ECHDC1: variants seen among roughly 807,000 people sequenced by gnomAD.
ECHDC1 encodes ethylmalonyl-CoA decarboxylase 1.
A neutral mutation model predicts 29.7 loss-of-function variants in ECHDC1; 29 were observed. The observed-to-expected ratio is 0.98, with a 90% CI of 0.73 to 1.33. The LOEUF is 1.33. Ranked by LOEUF, ECHDC1 falls within the 40% of genes most tolerant of loss-of-function variation. The pLI is 0.00. For missense variants in ECHDC1, 328 were observed against 350.0 expected, an observed-to-expected ratio of 0.94 and a Z score of 0.50; for synonymous variants, 126 against 123.1, an observed-to-expected ratio of 1.02 and a Z score of -0.15.
intron 1 of ECHDC1, among the ~76,000 whole-genome samples, chr6:127,333,912 G>T (rs1784196185): frequency 6.6e-6 from 1 of 151,846 alleles, no homozygotes; most frequent in Admixed American, 6.6e-5. Context: ...GTTTCATTTT[G>T]TGTTTCTATA....
intron 2 of ECHDC1, 43 bp downstream of exon 2, chr6:127,330,766 T>C (rs368045759): frequency 6.5e-7 from 1 of 1,542,570 alleles, no homozygotes; most frequent in Non-Finnish European, 8.9e-7. Flanking sequence ...GATAACAGTT[T>C]AGATTTAGTG....
chr6:127,308,242 T>C (rs975388944), intron 5 of ECHDC1, among the ~76,000 whole-genome samples: 5 of 151,922 alleles, frequency 3.3e-5, no homozygotes, highest in African/African-American at 1.2e-4. Context: ...GGTGCAAAAA[T>C]CATCAACAAA....
At chr6:127,319,576 A>G (rs2114636797) in intron 3 of ECHDC1, among the ~76,000 whole-genome samples, 1 of 152,294 alleles carries the variant, frequency 6.6e-6, no homozygotes, top group African/African-American at 2.4e-5. Flanking sequence ...TAAGCCCACA[A>G]TGGTTAAATG....
chr6:127,340,945 C>T (rs1255184402), intron 1 of ECHDC1, among the ~76,000 whole-genome samples: 1 of 152,188 alleles, frequency 6.6e-6, no homozygotes, highest in Non-Finnish European at 1.5e-5. Context: ...CCAACATCAA[C>T]ACTACAGCAA....
intron 1 of ECHDC1, among the ~76,000 whole-genome samples, chr6:127,337,370 C>G (rs1784520063): frequency 6.6e-6 from 1 of 152,202 alleles, no homozygotes. Flanking sequence ...CACAAAAAAA[C>G]TTGGTCTCCA....
Position 127,288,958 on chromosome 6 carries a change from A to G in ECHDC1, c.*911T>C, listed in dbSNP as rs1298105462. ...TTTTGACCTCTTGTGATGAGTCAGA[A>G]CTAGAACTTAATTCTTTGACTTTCA... On this transcript the variant is annotated 3_prime_UTR_variant, in exon 6 of 6. Transcript: ENST00000454859. 1 of 152,100 alleles carries G rather than the reference A, an allele frequency of 6.6e-6. No homozygotes were observed. The highest frequency in any genetic ancestry group is 6.6e-5 in the Admixed American group (1 of 15,258). The allele number at this position is 152,100 out of a possible 1,614,324, so 9.4% of individuals were successfully genotyped here.
intron 5 of ECHDC1, chr6:127,313,654 G>A: frequency 2.2e-6 from 1 of 449,796 alleles, no homozygotes; most frequent in Non-Finnish European, 4.5e-6. Context: ...TCTTAGCTAG[G>A]GTCAAGTGTA....
At chr6:127,330,785 T>C (rs1783851999) in intron 2 of ECHDC1, 24 bp downstream of exon 2, 1 of 1,588,776 alleles carries the variant, frequency 6.3e-7, no homozygotes, top group Admixed American at 1.7e-5. Context: ...TGTCATTCTT[T>C]AGGAATAAAA....
intron 3 of ECHDC1, among the ~76,000 whole-genome samples, chr6:127,320,131 C>A (rs944996522): frequency 2.0e-5 from 3 of 152,166 alleles, no homozygotes; most frequent in African/African-American, 7.2e-5. Flanking sequence ...GATTCTCCTG[C>A]CTCAGCCTTC....
intron 2 of ECHDC1, among the ~76,000 whole-genome samples, chr6:127,329,569 TGTG>T (rs1783724436): frequency 6.6e-6 from 1 of 152,206 alleles, no homozygotes; most frequent in Non-Finnish European, 1.5e-5. Flanking sequence ...TAGTCACCTG[TGTG>T]TACTGAGCAC....
At chr6:127,339,271 A>C (rs1439198776) in intron 1 of ECHDC1, among the ~76,000 whole-genome samples, 1 of 148,164 alleles carries the variant, frequency 6.7e-6, no homozygotes, top group East Asian at 2.0e-4. Flanking sequence ...AGAAAACATA[A>C]CAGAAAGGTA....
In ECHDC1 at chr6:127,300,716, G is replaced by A. The variant is rs1200559350; in HGVS notation, c.498-10439C>T. ...AAATTCTACCAGTTGGAACCTGGGTGAGCCTGGGAATGAATCCTCCCCTAG... is the reference window on the plus strand; with the variant it reads ...AAATTCTACCAGTTGGAACCTGGGTAAGCCTGGGAATGAATCCTCCCCTAG... On this transcript the variant is annotated intron_variant, in intron 5 of 5. Transcript: ENST00000454859. 4.6e-5 allele frequency among the ~76,000 whole-genome samples: 7 copies of A among 152,302 alleles called. No individual in the cohort carries two copies. In the East Asian group the frequency reaches 1.2e-3, roughly 25 times the overall value.
intron 1 of ECHDC1, among the ~76,000 whole-genome samples, chr6:127,337,834 G>A (rs926000294): frequency 6.6e-6 from 1 of 151,986 alleles, no homozygotes; most frequent in African/African-American, 2.4e-5. Context: ...ACTACCCTTA[G>A]ACCGAAGTTC....
chr6:127,299,434 T>C (rs905779001), intron 5 of ECHDC1, among the ~76,000 whole-genome samples: 5 of 149,602 alleles, frequency 3.3e-5, no homozygotes, highest in African/African-American at 1.2e-4. Context: ...TGTGTGTTTG[T>C]CTTAGCTTTT....
intron 5 of ECHDC1, among the ~76,000 whole-genome samples, chr6:127,312,354 C>G (rs1270651375): frequency 2.6e-5 from 4 of 152,126 alleles, no homozygotes; most frequent in Admixed American, 2.6e-4. Context: ...AAATTCAAAT[C>G]TGAAATCACA....
intron 4 of ECHDC1, chr6:127,315,676 A>T: frequency 3.6e-6 from 1 of 279,334 alleles, no homozygotes. Context: ...TCTATGAAAA[A>T]GTCAAATGCA....
chr6:127,301,315 T>C (rs749887240), intron 5 of ECHDC1, among the ~76,000 whole-genome samples: 40 of 152,340 alleles, frequency 2.6e-4, no homozygotes, highest in Non-Finnish European at 5.3e-4. Flanking sequence ...ATTTCTTTTA[T>C]ATATTCATAT....
At chr6:127,296,917 A>G (rs535644970) in intron 5 of ECHDC1, among the ~76,000 whole-genome samples, 4 of 152,092 alleles carry the variant, frequency 2.6e-5, no homozygotes, top group African/African-American at 9.7e-5. Flanking sequence ...AGGTGGGAGG[A>G]TGACTTGAGT....
chr6:127,307,671 G>T, intron 5 of ECHDC1, among the ~76,000 whole-genome samples: 2 of 57,920 alleles, frequency 3.5e-5, no homozygotes, highest in African/African-American at 5.5e-5. Context: ...AAGACAGAAA[G>T]AAAATAATAC....
Sources: gnomAD v4.1 joint callset for allele counts (sites outside exome capture counted in the v4.1 genomes callset) on GRCh38, gnomAD v4.1.1 for gene constraint, MANE v1.5 for transcripts, NCBI Gene and HGNC (gene_info 2026-07-23, HGNC 2026-07-21) for gene names.